The following ATF7IP variants were observed in gnomAD, a reference collection of about 807,000 sequenced individuals.
The protein encoded by ATF7IP is activating transcription factor 7 interacting protein, also known as activating transcription factor 7-interacting protein 1.
A neutral mutation model predicts 106.4 loss-of-function variants in ATF7IP; 23 were observed. The ratio of observed to expected loss-of-function variants is 0.22; its 90% CI spans 0.16 to 0.31. ATF7IP has a LOEUF of 0.31. Ranked by LOEUF, ATF7IP falls within the 10% of genes least tolerant of loss-of-function variation. The pLI is 1.00. For missense variants in ATF7IP, 1,334 were observed against 1,524.3 expected, an observed-to-expected ratio of 0.88 and a Z score of 2.08; for synonymous variants, 542 against 539.0, an observed-to-expected ratio of 1.01 and a Z score of -0.08.
chr12:14,391,080 G>T (rs1322811584), intron 1 of ATF7IP, among the ~76,000 whole-genome samples: 1 of 152,206 alleles, frequency 6.6e-6, no homozygotes, highest in Non-Finnish European at 1.5e-5. Flanking sequence ...AAGAGAAAGT[G>T]ATTTGAGAGA....
intron 11 of ATF7IP, among the ~76,000 whole-genome samples, chr12:14,477,395 TA>T (rs1944294729): frequency 6.6e-6 from 1 of 152,200 alleles, no homozygotes; most frequent in Non-Finnish European, 1.5e-5. Context: ...TGCTTTCACT[TA>T]TCTCTATTGC....
chr12:14,439,974 G>A (rs1454079748), intron 5 of ATF7IP, among the ~76,000 whole-genome samples: 1 of 152,074 alleles, frequency 6.6e-6, no homozygotes, highest in East Asian at 1.9e-4. Context: ...AATGTTGCTT[G>A]TAGTCTCAGA....
chr12:14,468,808 T>C (rs1206000241), intron 10 of ATF7IP, among the ~76,000 whole-genome samples: 7 of 152,242 alleles, frequency 4.6e-5, no homozygotes, highest in Admixed American at 4.6e-4. Flanking sequence ...GTTATGAAGT[T>C]ATGCTTGTCA....
chr12:14,467,412 TA>T, intron 10 of ATF7IP, among the ~76,000 whole-genome samples: 1 of 152,174 alleles, frequency 6.6e-6, no homozygotes. Context: ...ATAGATCAAA[TA>T]AAAGCTATTA....
intron 1 of ATF7IP, among the ~76,000 whole-genome samples, chr12:14,409,968 A>G (rs1408692843): frequency 6.6e-6 from 1 of 152,110 alleles, no homozygotes; most frequent in Non-Finnish European, 1.5e-5. Context: ...GTTTGAGTGT[A>G]TAATTCAGTG....
intron 8 of ATF7IP, among the ~76,000 whole-genome samples, 191 bp downstream of exon 8, chr12:14,457,486 A>G (rs1943473273): frequency 6.6e-6 from 1 of 152,176 alleles, no homozygotes; most frequent in Non-Finnish European, 1.5e-5. Context: ...GCTACTTAGG[A>G]GGCTGAGGAG....
intron 2 of ATF7IP, among the ~76,000 whole-genome samples, 160 bp from the exon 3 acceptor site, chr12:14,434,177 C>A (rs1454682427): frequency 6.6e-6 from 1 of 152,138 alleles, no homozygotes; most frequent in Non-Finnish European, 1.5e-5. Flanking sequence ...TTCATTCGAT[C>A]AGTTCCTGCT....
At chr12:14,494,042 A>C (rs1275890467) in intron 13 of ATF7IP, among the ~76,000 whole-genome samples, 1 of 151,908 alleles carries the variant, frequency 6.6e-6, no homozygotes, top group Non-Finnish European at 1.5e-5. Flanking sequence ...GCAGTGAATC[A>C]GGAGTGTCAA....
At chr12:14,429,716 T>C (rs1223207583) in intron 2 of ATF7IP, among the ~76,000 whole-genome samples, 2 of 152,222 alleles carry the variant, frequency 1.3e-5, no homozygotes, top group East Asian at 3.9e-4. Flanking sequence ...TGTCACTGTT[T>C]ATTGTGTTCA....
At chr12:14,472,873 G>C (rs375953250) in intron 10 of ATF7IP, among the ~76,000 whole-genome samples, 1 of 152,052 alleles carries the variant, frequency 6.6e-6, no homozygotes, top group Non-Finnish European at 1.5e-5. Context: ...TGAAATACCT[G>C]AGACTCAGTG....
In ATF7IP at chr12:14,497,835, C is replaced by T. The variant is rs771477807; in HGVS notation, c.3575C>T (p.Thr1192Ile). The T allele has an allele frequency of 1.2e-6, 2 of 1,614,164 alleles. No homozygotes were observed. The highest frequency in any genetic ancestry group is 8.5e-7 in the Non-Finnish European group (1 of 1,180,030). Residue 1192 changes from threonine to isoleucine, a missense_variant, in exon 15 of 15, where the codon ACT (threonine) becomes ATT (isoleucine). Transcript: ENST00000261168. ...CTGGAGGTGGATCGAAGCTGTGCCA[C>T]TGTTGATAGCTACCATCTCTATGCT... ...SVLEVDRSCATVDSYHLYAYH... is the reference protein window; with the variant it reads ...SVLEVDRSCAIVDSYHLYAYH...
intron 13 of ATF7IP, chr12:14,481,485 A>G: frequency 2.2e-6 from 1 of 453,874 alleles, no homozygotes; most frequent in Non-Finnish European, 4.0e-6. Context: ...TCTGCAGTGT[A>G]TGCATATTTC....
intron 2 of ATF7IP, among the ~76,000 whole-genome samples, chr12:14,428,227 G>A (rs1376912925): frequency 6.6e-6 from 1 of 152,144 alleles, no homozygotes; most frequent in African/African-American, 2.4e-5. Context: ...TCTTGATATT[G>A]GAGGGCATCC....
At chr12:14,450,736 C>G (rs564315202) in intron 6 of ATF7IP, among the ~76,000 whole-genome samples, 132 of 152,170 alleles carry the variant, frequency 8.7e-4, no homozygotes, top group African/African-American at 3.2e-3. Flanking sequence ...TGGTAGTATC[C>G]TCCAGTGAAG....
In ATF7IP at chr12:14,484,652, G is replaced by C. The variant is rs141671424; in HGVS notation, c.3280+3467G>C. Among the ~76,000 whole-genome samples the C allele has an allele frequency of 4.4e-3, 665 of 152,294 alleles. 4 individuals carry two copies. The highest frequency in any genetic ancestry group is 0.015 in the African/African-American group (640 of 41,552). The stretch of plus-strand genomic sequence containing the variant: ...TCTGTGAACCAGGCCCTAGTCATCT[G>C]TTCCGCTGTCAAGTGATCATAGGGA... On this transcript the variant is annotated intron_variant, in intron 13 of 14. Coordinates refer to ENST00000261168, the MANE Select transcript of ATF7IP (RefSeq NM_018179.5).
Position 14,421,780 on chromosome 12 carries a change from C to T in ATF7IP, c.-7-2129C>T, listed in dbSNP as rs995790429. Among the ~76,000 whole-genome samples, 10 of 152,200 alleles carry T rather than the reference C, an allele frequency of 6.6e-5. 1 individual carries two copies. Among genetic ancestry groups the T allele is most frequent in the Admixed American group, 5.9e-4 (9 of 15,286 alleles). On this transcript the variant is annotated intron_variant, in intron 1 of 14. Transcript: ENST00000261168. ...CCAGACATTCAGTTTAGGCAAAACTCGTAATTGTACACTCTGCTGGGCATG... is the reference window on the plus strand; with the variant it reads ...CCAGACATTCAGTTTAGGCAAAACTTGTAATTGTACACTCTGCTGGGCATG...
intron 1 of ATF7IP, among the ~76,000 whole-genome samples, chr12:14,400,402 C>T (rs1940126102): frequency 6.6e-6 from 1 of 151,954 alleles, no homozygotes; most frequent in Non-Finnish European, 1.5e-5. Context: ...TTTGTTATTT[C>T]AGTTTCATAG....
intron 1 of ATF7IP, among the ~76,000 whole-genome samples, chr12:14,372,701 C>A (rs1335396996): frequency 1.3e-5 from 2 of 151,972 alleles, no homozygotes; most frequent in Non-Finnish European, 2.9e-5. Flanking sequence ...GGAGAGAGGA[C>A]CCCTTTGTAT....
At chr12:14,451,805 C>G (rs991356790) in intron 6 of ATF7IP, among the ~76,000 whole-genome samples, 2 of 152,108 alleles carry the variant, frequency 1.3e-5, no homozygotes, top group African/African-American at 4.8e-5. Flanking sequence ...TTTCTATGTG[C>G]TCTTGAGAAG....
Sources: gnomAD v4.1 joint callset for allele counts (sites outside exome capture counted in the v4.1 genomes callset) on GRCh38, gnomAD v4.1.1 for gene constraint, MANE v1.5 for transcripts, NCBI Gene and HGNC (gene_info 2026-07-23, HGNC 2026-07-21) for gene names.